SLC44A5: variants seen among roughly 807,000 people sequenced by gnomAD.
The protein encoded by SLC44A5 is solute carrier family 44 member 5.
In SLC44A5, 57 loss-of-function variants were observed where a neutral mutation model predicts 101.8. The observed-to-expected ratio is 0.56, with a 90% CI of 0.45 to 0.70. SLC44A5 has a LOEUF of 0.70. Ranked by LOEUF, SLC44A5 falls within the 30% of genes least tolerant of loss-of-function variation. The probability of loss-of-function intolerance (pLI) is 0.00; values close to 1 mark genes in which losing one functional copy is unlikely to be tolerated. For missense variants in SLC44A5, 737 were observed against 853.1 expected, an observed-to-expected ratio of 0.86 and a Z score of 1.70; for synonymous variants, 281 against 290.9, an observed-to-expected ratio of 0.97 and a Z score of 0.35.
At chr1:75,626,433 C>G in the SLC44A5 span, among the ~76,000 whole-genome samples, 1 of 152,118 alleles carries the variant, frequency 6.6e-6, no homozygotes, top group Non-Finnish European at 1.5e-5. Flanking sequence ...AAAAACAGTT[C>G]AAACACTCAA....
chr1:75,708,397 G>A, the SLC44A5 span, among the ~76,000 whole-genome samples: 100 of 107,558 alleles, frequency 9.3e-4, no homozygotes, highest in Admixed American at 4.9e-3. Flanking sequence ...CTGTGTGACA[G>A]AGCAAGACTC....
the SLC44A5 span, among the ~76,000 whole-genome samples, chr1:75,635,723 G>C: frequency 6.6e-6 from 1 of 150,770 alleles, no homozygotes; most frequent in East Asian, 2.0e-4. Flanking sequence ...CGAGTTAATG[G>C]GTGCATCACA....
intron 2 of SLC44A5, among the ~76,000 whole-genome samples, chr1:75,494,781 C>T (rs1339495939): frequency 6.6e-6 from 1 of 152,198 alleles, no homozygotes; most frequent in Non-Finnish European, 1.5e-5. Context: ...CAGCTCTCCT[C>T]TCTGGCTCAG....
intron 3 of SLC44A5, among the ~76,000 whole-genome samples, chr1:75,352,357 C>T (rs776621822): frequency 2.6e-5 from 4 of 151,894 alleles, no homozygotes; most frequent in African/African-American, 9.7e-5. Flanking sequence ...TCTCCCCCAC[C>T]GCCAGTCCCC....
chr1:75,267,257 T>C (rs1017774175), intron 6 of SLC44A5, among the ~76,000 whole-genome samples: 8 of 152,178 alleles, frequency 5.3e-5, no homozygotes, highest in Non-Finnish European at 8.8e-5. Flanking sequence ...TTCCATGCCA[T>C]GGGTCAATGC....
At chr1:75,723,979 ACT>A in the SLC44A5 span, 1 of 152,018 alleles carries the variant, frequency 6.6e-6, no homozygotes, top group Non-Finnish European at 1.5e-5. Context: ...AGAGAAAGTG[ACT>A]CCAGGTAGAA....
At chr1:75,213,551 A>G (rs1646900791) in intron 22 of SLC44A5, among the ~76,000 whole-genome samples, 154 bp downstream of exon 22, 1 of 152,136 alleles carries the variant, frequency 6.6e-6, no homozygotes, top group Non-Finnish European at 1.5e-5. Flanking sequence ...CTCACCAGGA[A>G]GAGGACCCTC....
intron 1 of SLC44A5, among the ~76,000 whole-genome samples, chr1:75,543,410 AAT>A (rs1031038381): frequency 5.3e-5 from 8 of 151,540 alleles, no homozygotes; most frequent in Non-Finnish European, 1.0e-4. Context: ...ATCCCGCAAA[AAT>A]ATCTGAGTTG....
the SLC44A5 span, among the ~76,000 whole-genome samples, chr1:75,676,165 A>T: frequency 6.6e-6 from 1 of 152,216 alleles, no homozygotes; most frequent in Non-Finnish European, 1.5e-5. Context: ...AGAACTGGAA[A>T]TACCGTTTGA....
At chr1:75,383,165 C>T (rs1195413145) in intron 3 of SLC44A5, among the ~76,000 whole-genome samples, 1 of 75,444 alleles carries the variant, frequency 1.3e-5, no homozygotes, top group South Asian at 5.6e-4. Context: ...GCACTTAATC[C>T]TTTACATTGT....
intron 2 of SLC44A5, among the ~76,000 whole-genome samples, chr1:75,466,691 CTCAATAGAA>C (rs1666840303): frequency 6.7e-6 from 1 of 149,648 alleles, no homozygotes; most frequent in South Asian, 2.1e-4. Context: ...AGGAACATAC[CTCAATAGAA>C]TAAAAGCCAT....
chr1:75,579,398 A>G (rs1317695730), intron 1 of SLC44A5, among the ~76,000 whole-genome samples: 1 of 152,244 alleles, frequency 6.6e-6, no homozygotes, highest in East Asian at 1.9e-4. Context: ...AGCTGTGATC[A>G]CACGACTGCA....
At chr1:75,327,704 G>T (rs1042787580) in intron 4 of SLC44A5, among the ~76,000 whole-genome samples, 16 of 152,118 alleles carry the variant, frequency 1.1e-4, no homozygotes, top group Admixed American at 9.2e-4. Context: ...AGTAGAAAAA[G>T]ATCTAAATTA....
chr1:75,313,438 C>G (rs1238099839), intron 4 of SLC44A5, among the ~76,000 whole-genome samples: 1 of 152,164 alleles, frequency 6.6e-6, no homozygotes. Context: ...GATCAAAGAT[C>G]ATATTTTTCA....
chr1:75,342,537 G>A (rs951657834), intron 3 of SLC44A5, among the ~76,000 whole-genome samples: 6 of 120,130 alleles, frequency 5.0e-5, no homozygotes, highest in Admixed American at 9.4e-5. Context: ...AAGGCAGACT[G>A]TCCAACTCCA....
the SLC44A5 span, among the ~76,000 whole-genome samples, chr1:75,645,116 A>T: frequency 6.6e-6 from 1 of 152,216 alleles, no homozygotes; most frequent in South Asian, 2.1e-4. Context: ...TAGCATCATG[A>T]TTTATAATCC....
At chr1:75,385,738 G>A (rs373837818) in intron 3 of SLC44A5, among the ~76,000 whole-genome samples, 39 of 151,896 alleles carry the variant, frequency 2.6e-4, no homozygotes, top group African/African-American at 7.0e-4. Context: ...TACCAAAGCC[G>A]GGCAGAGACA....
At chr1:75,466,093 A>C (rs184431049) in intron 2 of SLC44A5, among the ~76,000 whole-genome samples, 6 of 152,356 alleles carry the variant, frequency 3.9e-5, no homozygotes, top group Admixed American at 3.9e-4. Context: ...CTACATGCCA[A>C]TATCTCTGAT....
At chr1:75,603,881 ATTGT>A (rs1255072456) in intron 1 of SLC44A5, among the ~76,000 whole-genome samples, 1 of 147,786 alleles carries the variant, frequency 6.8e-6, no homozygotes, top group East Asian at 2.0e-4. Context: ...TACTTGTTCA[ATTGT>A]TTAAGTTCCT....
Sources: gnomAD v4.1 joint callset for allele counts (sites outside exome capture counted in the v4.1 genomes callset) on GRCh38, gnomAD v4.1.1 for gene constraint, MANE v1.5 for transcripts, NCBI Gene and HGNC (gene_info 2026-07-23, HGNC 2026-07-21) for gene names.